Variants in LGR4 observed in about 807,000 individuals in gnomAD.
LGR4 encodes leucine rich repeat containing G protein-coupled receptor 4.
Under a neutral mutation model 84.8 loss-of-function variants are expected in LGR4, and 44 were observed. The ratio of observed to expected loss-of-function variants is 0.52; its 90% CI spans 0.41 to 0.67. LGR4 has a LOEUF of 0.67. Among genes scored for constraint, LGR4 ranks in the 30% least tolerant of loss-of-function variants. The pLI is 0.00. For missense variants in LGR4, 1,032 were observed against 1,131.4 expected (o/e 0.91, Z 1.26); for synonymous variants, 429 against 434.3 (o/e 0.99, Z 0.15).
intron 1 of LGR4, among the ~76,000 whole-genome samples, chr11:27,430,867 A>G (rs751422103): frequency 1.3e-5 from 2 of 151,794 alleles, no homozygotes; most frequent in East Asian, 1.9e-4. Context: ...CCTCTCCAAC[A>G]TCATCTCAAA....
intron 1 of LGR4, among the ~76,000 whole-genome samples, chr11:27,426,045 G>A (rs1371101894): frequency 6.6e-6 from 1 of 152,156 alleles, no homozygotes; most frequent in South Asian, 2.1e-4. Context: ...GCTTTACATA[G>A]TAATAGTAGT....
At position 27,382,224 on chromosome 11, in the gene LGR4, G is replaced by T. The variant is rs1489108220; in HGVS notation, c.722C>A (p.Pro241His). ...GCTAGGAAGGGCTTTAATAGCCTGAGGAAATTCCCCCAAGTTATTATAATT... is the reference window on the plus strand; with the variant it reads ...GCTAGGAAGGGCTTTAATAGCCTGATGAAATTCCCCCAAGTTATTATAATT... ...DLNYNNLGEF[P>H]QAIKALPSLK... is the part of the protein sequence containing the mutation. The change falls in exon 7 of 18, where the codon CCT becomes CAT. Residue 241 changes from proline to histidine, a missense_variant. Physicochemically the swap from Pro to His is moderately conservative, Grantham distance 77. Coordinates refer to ENST00000379214, the MANE Select transcript of LGR4 (RefSeq NM_018490.5). 5.6e-6 allele frequency: 9 copies of T among 1,609,496 alleles called. No homozygotes were observed. Among genetic ancestry groups the T allele is most frequent in the Non-Finnish European group, 7.7e-6 (9 of 1,176,280 alleles).
intron 1 of LGR4, among the ~76,000 whole-genome samples, chr11:27,470,676 CT>C (rs199898621): frequency 1.7e-4 from 23 of 139,312 alleles, no homozygotes; most frequent in South Asian, 1.2e-3. Context: ...GCAAAGTTAA[CT>C]TTTTTTTTTA....
At chr11:27,388,368 CT>C (rs1863224590) in intron 4 of LGR4, among the ~76,000 whole-genome samples, 1 of 152,084 alleles carries the variant, frequency 6.6e-6, no homozygotes, top group African/African-American at 2.4e-5. Flanking sequence ...GAAGAAAATA[CT>C]ATAATTCTTT....
chr11:27,383,557 T>C (rs1412009863), intron 6 of LGR4, among the ~76,000 whole-genome samples: 3 of 152,024 alleles, frequency 2.0e-5, no homozygotes, highest in Admixed American at 1.3e-4. Flanking sequence ...AATAATAGAG[T>C]CCTAAAAGAT....
rs756203443 is a variant in LGR4 at position 27,368,350 on chromosome 11, T to C, written c.2373A>G (p.Pro791=). 5 of 1,614,134 alleles carry C rather than the reference T, an allele frequency of 3.1e-6. No homozygotes were observed. Among genetic ancestry groups the C allele is most frequent in the Non-Finnish European group, 4.2e-6 (5 of 1,180,026 alleles). The change falls in exon 18 of 18, where the codon CCA becomes CCG. Residue 791 remains proline, a synonymous_variant. Transcript: ENST00000379214. ...IMKSVTLIFF[P]LPACLNPVLY... ...GGACTGGATTCAGGCAAGCAGGCAA[T>C]GGAAAAAATATCAGAGTAACAGACT...
At chr11:27,373,463 C>A (rs1862921941) in intron 15 of LGR4, 88 bp downstream of exon 15, 1 of 1,308,010 alleles carries the variant, frequency 7.6e-7, no homozygotes. Context: ...ATCAGAAAAT[C>A]TGAGAACCAG....
At chr11:27,425,765 G>C (rs976775284) in intron 1 of LGR4, among the ~76,000 whole-genome samples, 1 of 152,092 alleles carries the variant, frequency 6.6e-6, no homozygotes, top group South Asian at 2.1e-4. Context: ...TGGAATTTTT[G>C]GTTTGGACTG....
chr11:27,446,822 TG>T (rs1311918921), intron 1 of LGR4, among the ~76,000 whole-genome samples: 3 of 152,040 alleles, frequency 2.0e-5, no homozygotes, highest in Non-Finnish European at 4.4e-5. Context: ...TAAGAAAATG[TG>T]GCACATATAC....
intron 2 of LGR4, among the ~76,000 whole-genome samples, chr11:27,395,675 A>G (rs1863376390): frequency 6.6e-6 from 1 of 152,198 alleles, no homozygotes; most frequent in Non-Finnish European, 1.5e-5. Flanking sequence ...GTCCAAGAGG[A>G]CACTCTACTT....
intron 1 of LGR4, among the ~76,000 whole-genome samples, chr11:27,419,683 A>T (rs1863889948): frequency 6.7e-6 from 1 of 149,820 alleles, no homozygotes; most frequent in Non-Finnish European, 1.5e-5. Flanking sequence ...CCCAAACTGG[A>T]AACAACCTAA....
At chr11:27,382,846 A>T (rs755845473) in intron 6 of LGR4, among the ~76,000 whole-genome samples, 1 of 151,992 alleles carries the variant, frequency 6.6e-6, no homozygotes, top group Non-Finnish European at 1.5e-5. Context: ...GTGAAAACCC[A>T]TCTCTACTAA....
chr11:27,424,654 G>C (rs1036453595), intron 1 of LGR4, among the ~76,000 whole-genome samples: 3 of 152,178 alleles, frequency 2.0e-5, no homozygotes, highest in Non-Finnish European at 4.4e-5. Flanking sequence ...ATCACAGAGG[G>C]AGCCCATGAC....
chr11:27,461,330 C>A, intron 1 of LGR4, among the ~76,000 whole-genome samples: 1 of 151,432 alleles, frequency 6.6e-6, no homozygotes, highest in South Asian at 2.1e-4. Context: ...AAATGAGATC[C>A]TATCTCCATA....
intron 1 of LGR4, among the ~76,000 whole-genome samples, chr11:27,416,086 C>T (rs751509968): frequency 3.9e-5 from 6 of 152,148 alleles, no homozygotes; most frequent in Non-Finnish European, 8.8e-5. Flanking sequence ...TTCAAATTCA[C>T]ATGAGTTGTA....
chr11:27,422,955 T>G (rs1863949084), intron 1 of LGR4, among the ~76,000 whole-genome samples: 1 of 152,216 alleles, frequency 6.6e-6, no homozygotes, highest in Non-Finnish European at 1.5e-5. Flanking sequence ...TTCACTCTGC[T>G]ACTCCTGGGT....
chr11:27,411,214 A>T (rs533254779), intron 2 of LGR4, among the ~76,000 whole-genome samples: 4 of 152,204 alleles, frequency 2.6e-5, no homozygotes, highest in Middle Eastern at 3.4e-3. Flanking sequence ...AAGAGAGACT[A>T]ACCCTATAGT....
At chr11:27,419,261 A>G (rs922659131) in intron 1 of LGR4, among the ~76,000 whole-genome samples, 1 of 152,180 alleles carries the variant, frequency 6.6e-6, no homozygotes, top group Non-Finnish European at 1.5e-5. Context: ...TAAGATTTGA[A>G]CAGATACTTC....
chr11:27,429,479 T>C (rs987410871), intron 1 of LGR4, among the ~76,000 whole-genome samples: 1 of 142,708 alleles, frequency 7.0e-6, no homozygotes, highest in African/African-American at 2.7e-5. Flanking sequence ...CGAGATTCCA[T>C]CTCAAAAAAA....
Sources: gnomAD v4.1 joint callset for allele counts (sites outside exome capture counted in the v4.1 genomes callset) on GRCh38, gnomAD v4.1.1 for gene constraint, MANE v1.5 for transcripts, NCBI Gene and HGNC (gene_info 2026-07-23, HGNC 2026-07-21) for gene names.